HECW2: variants seen among roughly 807,000 people sequenced by gnomAD.
The protein encoded by HECW2 is E3 ubiquitin-protein ligase HECW2.
HECW2 carries 61 observed loss-of-function variants against 175.2 expected under a neutral mutation model. The observed-to-expected ratio is 0.35, with a 90% CI of 0.28 to 0.43. HECW2 has a LOEUF of 0.43. Ranked by LOEUF, HECW2 falls within the 20% of genes least tolerant of loss-of-function variation. HECW2 has a pLI of 1.00. For synonymous variants in HECW2, 671 were observed against 731.0 expected, an observed-to-expected ratio of 0.92 and a Z score of 1.32; for missense variants, 1,524 against 2,000.5, an observed-to-expected ratio of 0.76 and a Z score of 4.54.
chr2:196,287,430 T>A (rs997086307), intron 14 of HECW2, among the ~76,000 whole-genome samples: 3 of 152,348 alleles, frequency 2.0e-5, no homozygotes, highest in African/African-American at 7.2e-5. Flanking sequence ...CATCTTGATT[T>A]AGGCCCAAAG....
At chr2:196,349,108 T>C (rs1248825225) in intron 2 of HECW2, among the ~76,000 whole-genome samples, 1 of 152,202 alleles carries the variant, frequency 6.6e-6, no homozygotes, top group East Asian at 1.9e-4. Context: ...GTCATCTTAA[T>C]ATTTAACCTT....
intron 17 of HECW2, chr2:196,260,331 G>A (rs1005810813): frequency 6.6e-6 from 1 of 152,148 alleles, no homozygotes; most frequent in Non-Finnish European, 1.5e-5. Context: ...ATGCTTTCAG[G>A]AACCAGACAC....
intron 2 of HECW2, among the ~76,000 whole-genome samples, chr2:196,389,294 G>A (rs1468453308): frequency 6.6e-6 from 1 of 152,158 alleles, no homozygotes; most frequent in Non-Finnish European, 1.5e-5. Context: ...GTGTTACCAA[G>A]AAGACCTACA....
At chr2:196,273,804 T>C (rs978370724) in intron 16 of HECW2, among the ~76,000 whole-genome samples, 15 of 152,210 alleles carry the variant, frequency 9.9e-5, no homozygotes, top group African/African-American at 3.6e-4. Context: ...TAGGGTGGTA[T>C]TAAAAAACAA....
At chr2:196,531,207 A>T (rs1474732943) in intron 1 of HECW2, among the ~76,000 whole-genome samples, 3 of 152,196 alleles carry the variant, frequency 2.0e-5, no homozygotes, top group Non-Finnish European at 4.4e-5. Context: ...AATGACCTTT[A>T]AGAGGAGAGC....
intron 1 of HECW2, among the ~76,000 whole-genome samples, chr2:196,448,627 C>T (rs1363907254): frequency 6.6e-6 from 1 of 152,156 alleles, no homozygotes; most frequent in Non-Finnish European, 1.5e-5. Flanking sequence ...TGTGTCTCCT[C>T]ACTTTCTCAC....
intron 2 of HECW2, among the ~76,000 whole-genome samples, chr2:196,425,649 A>C (rs1695523901): frequency 6.6e-6 from 1 of 152,152 alleles, no homozygotes; most frequent in Admixed American, 6.6e-5. Flanking sequence ...TGGTGCCTGA[A>C]GATGTAACTG....
chr2:196,363,368 G>C (rs1227220871), intron 2 of HECW2, among the ~76,000 whole-genome samples: 2 of 152,030 alleles, frequency 1.3e-5, no homozygotes, highest in Admixed American at 1.3e-4. Context: ...TCACCGAGAA[G>C]AAGTGATAAC....
Position 196,200,019 on chromosome 2 carries a change from C to A in HECW2, c.*1258G>T, listed in dbSNP as rs1238238154. On this transcript the variant is annotated 3_prime_UTR_variant, in exon 29 of 29. Transcript: ENST00000644978. ...TAACTGAGCTTAGTGTTTAATGATG[C>A]TGTACAAATAAAAAGCAGTGGGGGA... The A allele has an allele frequency of 6.6e-6, 1 of 152,492 alleles. No homozygotes were observed. 9.4% of individuals were successfully genotyped at this position (152,492 alleles called of 1,614,324 possible).
At chr2:196,364,956 G>A (rs572587737) in intron 2 of HECW2, among the ~76,000 whole-genome samples, 17 of 152,232 alleles carry the variant, frequency 1.1e-4, no homozygotes, top group African/African-American at 4.1e-4. Flanking sequence ...TTGATGTAAA[G>A]GGATAGAAAG....
In HECW2 at chr2:196,496,948, A is replaced by G. The variant is rs76227974; in HGVS notation, c.-35-63490T>C. ...CCAGACACTATGAAAAACTAGGGGG[A>G]AAAATGAGTAAAACGCACCTAAGTC... On this transcript the variant is annotated intron_variant, in intron 1 of 28. Transcript: ENST00000644978. Among the ~76,000 whole-genome samples, 1,062 of 152,158 alleles carry G rather than the reference A, an allele frequency of 7.0e-3. 27 individuals carry two copies. The highest frequency in any genetic ancestry group is 0.06 in the East Asian group (310 of 5,180).
At chr2:196,273,543 T>A (rs1261465648) in intron 16 of HECW2, among the ~76,000 whole-genome samples, 1 of 152,172 alleles carries the variant, frequency 6.6e-6, no homozygotes, top group Non-Finnish European at 1.5e-5. Flanking sequence ...TATTTTTATT[T>A]TACTATTTTA....
intron 14 of HECW2, among the ~76,000 whole-genome samples, chr2:196,286,404 A>ATATATATATATATATAT (rs1224813893): frequency 5.3e-5 from 8 of 151,464 alleles, no homozygotes; most frequent in African/African-American, 1.2e-4. Context: ...ATATATATTT[A>ATATATATATATATATAT]AATCCATGCA....
At chr2:196,220,401 T>A (rs1004943766) in intron 25 of HECW2, among the ~76,000 whole-genome samples, 1 of 152,214 alleles carries the variant, frequency 6.6e-6, no homozygotes, top group Non-Finnish European at 1.5e-5. Flanking sequence ...CGTCCACCTT[T>A]AGGAAACTAT....
intron 2 of HECW2, among the ~76,000 whole-genome samples, chr2:196,408,176 A>T (rs1227518952): frequency 6.6e-6 from 1 of 152,218 alleles, no homozygotes; most frequent in Non-Finnish European, 1.5e-5. Context: ...AAAATCTAAG[A>T]TTTATTCAAT....
In HECW2 at chr2:196,325,051, A is replaced by AGGTG; in HGVS notation, c.666_669dup (p.Cys224HisfsTer16). On this transcript the variant is annotated frameshift_variant, in exon 6 of 29. Transcript: ENST00000644978. LOFTEE classifies it high-confidence loss of function. ...CGTCTCTCCTGCCCGTGGTGGGCAC[A>AGGTG]GGTGGGGAAACTGCTCTTCTTTCCT... 6.2e-7 allele frequency: 1 copy of AGGTG among 1,612,476 alleles called. No individual in the cohort carries two copies. The highest frequency in any genetic ancestry group is 8.5e-7 in the Non-Finnish European group (1 of 1,179,328).
chr2:196,442,019 TAC>T (rs1696057916), intron 1 of HECW2, among the ~76,000 whole-genome samples: 1 of 152,334 alleles, frequency 6.6e-6, no homozygotes, highest in Admixed American at 6.5e-5. Context: ...AAAAGGGATG[TAC>T]ACAAATAGAA....
At chr2:196,505,773 T>C (rs1687738191) in intron 1 of HECW2, among the ~76,000 whole-genome samples, 1 of 152,194 alleles carries the variant, frequency 6.6e-6, no homozygotes. Flanking sequence ...TTAACCCAGG[T>C]GGATAACTTC....
chr2:196,580,521 T>C (rs114246502), intron 1 of HECW2, among the ~76,000 whole-genome samples: 1,873 of 152,184 alleles, frequency 0.012, 37 homozygotes, highest in African/African-American at 0.042. Context: ...AGCAAAGAAT[T>C]TGAATAGACA....
Sources: gnomAD v4.1 joint callset for allele counts (sites outside exome capture counted in the v4.1 genomes callset) on GRCh38, gnomAD v4.1.1 for gene constraint, MANE v1.5 for transcripts, NCBI Gene and HGNC (gene_info 2026-07-23, HGNC 2026-07-21) for gene names.